The following PTPRK variants were observed in gnomAD, a reference collection of about 807,000 sequenced individuals.
PTPRK encodes the protein receptor-type tyrosine-protein phosphatase kappa.
PTPRK carries 75 observed loss-of-function variants against 178.0 expected under a neutral mutation model. The ratio of observed to expected loss-of-function variants is 0.42; its 90% CI spans 0.35 to 0.51. PTPRK has a LOEUF of 0.51. Ranked by LOEUF, PTPRK falls within the 20% of genes least tolerant of loss-of-function variation. The probability of loss-of-function intolerance (pLI) is 0.02; values close to 1 mark genes in which losing one functional copy is unlikely to be tolerated. For synonymous variants in PTPRK, 637 were observed against 620.6 expected, an observed-to-expected ratio of 1.03 and a Z score of -0.39; for missense variants, 1,441 against 1,797.8, an observed-to-expected ratio of 0.80 and a Z score of 3.59.
At chr6:128,473,418 T>C (rs1340654697) in intron 1 of PTPRK, among the ~76,000 whole-genome samples, 1 of 149,586 alleles carries the variant, frequency 6.7e-6, no homozygotes, top group Non-Finnish European at 1.5e-5. Flanking sequence ...TTTTTTTTTT[T>C]TTTTTTTTTT....
intron 3 of PTPRK, among the ~76,000 whole-genome samples, chr6:128,298,164 C>A (rs538467296): frequency 6.6e-6 from 1 of 152,154 alleles, no homozygotes; most frequent in South Asian, 2.1e-4. Context: ...ACACACTCTC[C>A]AAAGACTAAA....
intron 1 of PTPRK, among the ~76,000 whole-genome samples, chr6:128,493,389 T>C (rs191006490): frequency 0.013 from 2,000 of 151,914 alleles, 16 homozygotes; most frequent in African/African-American, 0.018. Context: ...AGTGAAACCC[T>C]GTCTCTACTA....
chr6:128,206,049 A>T (rs1430732787), intron 6 of PTPRK, among the ~76,000 whole-genome samples: 1 of 151,994 alleles, frequency 6.6e-6, no homozygotes, highest in East Asian at 1.9e-4. Flanking sequence ...TTATGTTATA[A>T]TTTGAAAACT....
At chr6:128,344,105 G>A (rs760952835) in intron 2 of PTPRK, among the ~76,000 whole-genome samples, 1 of 152,194 alleles carries the variant, frequency 6.6e-6, no homozygotes, top group Non-Finnish European at 1.5e-5. Context: ...GCATTTGATA[G>A]AACGTGCTTT....
intron 1 of PTPRK, among the ~76,000 whole-genome samples, chr6:128,420,293 A>G (rs950625721): frequency 6.6e-6 from 1 of 152,156 alleles, no homozygotes; most frequent in Non-Finnish European, 1.5e-5. Flanking sequence ...CCTTTTTTCT[A>G]TGCATAGGGA....
chr6:128,138,321 A>T (rs1426008665), intron 7 of PTPRK, among the ~76,000 whole-genome samples: 2 of 152,100 alleles, frequency 1.3e-5, no homozygotes, highest in East Asian at 3.8e-4. Context: ...TTAAGTTACA[A>T]ATCTGATTAT....
intron 21 of PTPRK, 22 bp from the exon 22 acceptor site, chr6:127,985,897 T>C (rs1310610930): frequency 1.3e-6 from 2 of 1,588,202 alleles, no homozygotes; most frequent in Non-Finnish European, 1.7e-6. Flanking sequence ...TGGAAAGAAA[T>C]GTTTTCAAAA....
intron 1 of PTPRK, 119 bp downstream of exon 1, chr6:128,520,140 C>T (rs372101007): frequency 1.3e-5 from 11 of 858,942 alleles, no homozygotes; most frequent in Admixed American, 2.9e-5. Flanking sequence ...CTGTGTTCCC[C>T]ACCCCCGGAC....
intron 15 of PTPRK, chr6:128,000,404 T>C (rs1777689188): frequency 2.0e-6 from 2 of 988,870 alleles, no homozygotes; most frequent in Admixed American, 8.3e-5. Flanking sequence ...ATTGCATTTA[T>C]CTTTACTCCC....
intron 13 of PTPRK, among the ~76,000 whole-genome samples, chr6:128,035,068 G>T (rs182729745): frequency 1.1e-4 from 17 of 152,226 alleles, no homozygotes; most frequent in African/African-American, 3.9e-4. Context: ...AAAAGATGAT[G>T]CAGATTAAAA....
intron 23 of PTPRK, 113 bp from the exon 24 acceptor site, chr6:127,983,093 C>A: frequency 7.7e-7 from 1 of 1,305,964 alleles, no homozygotes; most frequent in Non-Finnish European, 1.0e-6. Flanking sequence ...ATTAAAACAC[C>A]AATATTTTTC....
chr6:127,989,074 G>C (rs1192384597), intron 21 of PTPRK, among the ~76,000 whole-genome samples: 2 of 152,034 alleles, frequency 1.3e-5, no homozygotes, highest in Non-Finnish European at 2.9e-5. Context: ...GGGGTCACTG[G>C]TCAGCAGTTT....
chr6:128,165,415 T>C (rs1347960132), intron 7 of PTPRK, among the ~76,000 whole-genome samples: 1 of 151,296 alleles, frequency 6.6e-6, no homozygotes, highest in African/African-American at 2.4e-5. Flanking sequence ...TCTTTTTGCA[T>C]GAGAGAGGTT....
intron 1 of PTPRK, among the ~76,000 whole-genome samples, chr6:128,425,762 G>A (rs1844057357): frequency 6.6e-6 from 1 of 152,068 alleles, no homozygotes; most frequent in Non-Finnish European, 1.5e-5. Flanking sequence ...GCTTTCATGA[G>A]AAAGCTTCCA....
intron 7 of PTPRK, among the ~76,000 whole-genome samples, chr6:128,091,291 G>C (rs1253969403): frequency 1.3e-5 from 2 of 152,164 alleles, no homozygotes; most frequent in East Asian, 3.8e-4. Context: ...GAAGTCCACA[G>C]GTTGGAAGAA....
At chr6:128,200,057 A>G (rs1418322878) in intron 6 of PTPRK, among the ~76,000 whole-genome samples, 1 of 152,174 alleles carries the variant, frequency 6.6e-6, no homozygotes. Flanking sequence ...TCTGCTTTCT[A>G]ACTACAAGTT....
intron 2 of PTPRK, among the ~76,000 whole-genome samples, chr6:128,332,682 T>C (rs1243542840): frequency 6.6e-6 from 1 of 152,214 alleles, no homozygotes; most frequent in Non-Finnish European, 1.5e-5. Context: ...TAATGGCACT[T>C]AACCTTCATA....
At position 128,189,776 on chromosome 6, in the gene PTPRK, G is replaced by A. The variant is rs554477480; in HGVS notation, c.869-5051C>T. 4.6e-5 allele frequency among the ~76,000 whole-genome samples: 7 copies of A among 152,118 alleles called. No homozygotes were observed. The East Asian group carries it at 1.4e-3, about 29-fold the overall frequency. On this transcript the variant is annotated intron_variant, in intron 6 of 29. Coordinates refer to ENST00000368226, the MANE Select transcript of PTPRK (RefSeq NM_002844.4). ...AAATTTTTATCCAGTTCTGGTTCCT[G>A]TTAGACAACAAATTCACAGTGTTTC...
intron 2 of PTPRK, among the ~76,000 whole-genome samples, chr6:128,372,577 C>G (rs1584409131): frequency 6.6e-6 from 1 of 152,130 alleles, no homozygotes; most frequent in Non-Finnish European, 1.5e-5. Flanking sequence ...GGCCAGAAAC[C>G]TAAGGGTAAA....
Sources: gnomAD v4.1 joint callset for allele counts (sites outside exome capture counted in the v4.1 genomes callset) on GRCh38, gnomAD v4.1.1 for gene constraint, MANE v1.5 for transcripts, NCBI Gene and HGNC (gene_info 2026-07-23, HGNC 2026-07-21) for gene names.